The following ELAPOR2 variants were observed in gnomAD, a reference collection of about 807,000 sequenced individuals.
ELAPOR2 encodes endosome-lysosome associated apoptosis and autophagy regulator family member 2.
A neutral mutation model predicts 120.7 loss-of-function variants in ELAPOR2; 89 were observed. That is an observed-to-expected ratio of 0.74 (90% CI 0.62 to 0.88). ELAPOR2 has a LOEUF of 0.88. Among genes scored for constraint, ELAPOR2 ranks in the 40% least tolerant of loss-of-function variants. The pLI, the probability that ELAPOR2 is intolerant of heterozygous loss-of-function variation, is 0.00. For synonymous variants in ELAPOR2, 444 were observed against 444.9 expected (o/e 1.00, Z 0.03); for missense variants, 1,134 against 1,251.6 (o/e 0.91, Z 1.42).
At chr7:86,984,223 A>C (rs1453813353) in intron 1 of ELAPOR2, among the ~76,000 whole-genome samples, 1 of 152,208 alleles carries the variant, frequency 6.6e-6, no homozygotes, top group Non-Finnish European at 1.5e-5. Flanking sequence ...TTAGACTCCC[A>C]CACAATAATA....
Position 86,944,996 on chromosome 7 carries a change from C to T in ELAPOR2, c.557G>A (p.Cys186Tyr). 6.4e-7 allele frequency: 1 copy of T among 1,550,598 alleles called. No homozygotes were observed. The highest frequency in any genetic ancestry group is 8.7e-7 in the Non-Finnish European group (1 of 1,146,522). Residue 186 changes from cysteine (C) to tyrosine (Y), a missense_variant, in exon 4 of 22, where the codon TGC becomes TAC. Around this residue, in one of 3 missense-constraint regions of ELAPOR2, gnomAD observed 280 missense variants for 331.5 expected, o/e 0.84. Transcript: ENST00000450689. Reference protein sequence around the residue: ...GNYIESNRDDCTVSLIYAVHL... With the variant: ...GNYIESNRDDYTVSLIYAVHL... ...CACAGCATAGATCAAAGACACCGTGCAGTCATCACGATTAGATTCTATGTA... is the reference window on the plus strand; with the variant it reads ...CACAGCATAGATCAAAGACACCGTGTAGTCATCACGATTAGATTCTATGTA...
At chr7:86,882,212 G>A (rs1001710972) in intron 21 of ELAPOR2, among the ~76,000 whole-genome samples, 6 of 152,064 alleles carry the variant, frequency 3.9e-5, no homozygotes, top group East Asian at 1.9e-4. Flanking sequence ...GTTAAGCACC[G>A]TCTCTGTTGC....
chr7:86,998,801 T>A (rs1793210944), intron 1 of ELAPOR2, among the ~76,000 whole-genome samples: 1 of 151,754 alleles, frequency 6.6e-6, no homozygotes, highest in Admixed American at 6.6e-5. Flanking sequence ...ACCAAATTTT[T>A]AAAAAATCTA....
At chr7:87,020,186 T>A (rs940163255) in intron 1 of ELAPOR2, among the ~76,000 whole-genome samples, 1 of 152,154 alleles carries the variant, frequency 6.6e-6, no homozygotes, top group Non-Finnish European at 1.5e-5. Context: ...CATATGTATA[T>A]GTGTGCATAT....
At chr7:87,058,916 G>A (rs1024886793) in intron 1 of ELAPOR2, among the ~76,000 whole-genome samples, 7 of 151,958 alleles carry the variant, frequency 4.6e-5, no homozygotes, top group Non-Finnish European at 8.8e-5. Context: ...GAGGAGGAGC[G>A]GGAAATCCTC....
At chr7:87,015,042 ACTG>A (rs1793824199) in intron 1 of ELAPOR2, among the ~76,000 whole-genome samples, 1 of 152,110 alleles carries the variant, frequency 6.6e-6, no homozygotes. Context: ...AAAAAAAGCA[ACTG>A]CTATGACTAT....
In ELAPOR2 at chr7:87,052,776, C is replaced by CTTG. The variant is rs1554411510; in HGVS notation, c.189+6548_189+6549insCAA. Among the ~76,000 whole-genome samples the CTTG allele has an allele frequency of 2.7e-5, 4 of 147,100 alleles. No individual in the cohort carries two copies. In the East Asian group the frequency reaches 7.9e-4, roughly 29 times the overall value. On this transcript the variant is annotated intron_variant, in intron 1 of 21. Coordinates refer to ENST00000450689, the MANE Select transcript of ELAPOR2 (RefSeq NM_001142749.3). ...ATATTCTGATCACAGGGTTTGTTTTCTTTTGTTTTGTTTTGTTTTGTTTTG... is the reference window on the plus strand; with the variant it reads ...ATATTCTGATCACAGGGTTTGTTTTCTTGTTTTGTTTTGTTTTGTTTTGTTTTG...
At chr7:86,994,462 T>G (rs1363558352) in intron 1 of ELAPOR2, among the ~76,000 whole-genome samples, 1 of 152,220 alleles carries the variant, frequency 6.6e-6, no homozygotes, top group East Asian at 1.9e-4. Flanking sequence ...GTAAATAAAA[T>G]GCACATCCCT....
chr7:86,909,815 T>TG lies in ELAPOR2; in HGVS notation c.2355dup (p.Ile786HisfsTer6). 1 of 1,606,834 alleles carries TG rather than the reference T, an allele frequency of 6.2e-7. No homozygotes were observed. The highest frequency in any genetic ancestry group is 8.5e-7 in the Non-Finnish European group (1 of 1,176,660). On this transcript the variant is annotated frameshift_variant, in exon 16 of 22. Coordinates refer to ENST00000450689, the MANE Select transcript of ELAPOR2 (RefSeq NM_001142749.3). LOFTEE classifies it high-confidence loss of function. ...ATATGAACCAAAGGAAGCTTACCTATGAATGTATCTGCCAGAATGATGGAT... is the reference window on the plus strand; with the variant it reads ...ATATGAACCAAAGGAAGCTTACCTATGGAATGTATCTGCCAGAATGATGGAT...
intron 1 of ELAPOR2, among the ~76,000 whole-genome samples, chr7:87,040,410 G>C (rs900531698): frequency 1.1e-4 from 17 of 152,194 alleles, no homozygotes; most frequent in Non-Finnish European, 2.5e-4. Context: ...CTCCCAGCAC[G>C]CAGCTGGAGA....
chr7:86,917,672 CT>C (rs927827616), intron 12 of ELAPOR2, among the ~76,000 whole-genome samples: 5 of 152,038 alleles, frequency 3.3e-5, no homozygotes, highest in African/African-American at 1.2e-4. Context: ...AAAGTGGATA[CT>C]TTTTTTCAGA....
At chr7:87,043,865 T>C (rs956543683) in intron 1 of ELAPOR2, among the ~76,000 whole-genome samples, 15 of 151,882 alleles carry the variant, frequency 9.9e-5, no homozygotes, top group Admixed American at 2.6e-4. Context: ...AAAACCCCAT[T>C]GTCTCAGCCC....
At chr7:86,952,395 T>C (rs528715464) in intron 2 of ELAPOR2, among the ~76,000 whole-genome samples, 2 of 152,294 alleles carry the variant, frequency 1.3e-5, no homozygotes, top group African/African-American at 4.8e-5. Context: ...GAAACTCAAA[T>C]TCTGGTCTGT....
intron 1 of ELAPOR2, among the ~76,000 whole-genome samples, chr7:86,971,250 C>T (rs1334864385): frequency 1.3e-5 from 2 of 152,198 alleles, no homozygotes; most frequent in East Asian, 3.8e-4. Flanking sequence ...CTATGCTTCA[C>T]ATCTTATGGT....
chr7:87,014,187 C>T (rs1208650106), intron 1 of ELAPOR2, among the ~76,000 whole-genome samples: 1 of 152,078 alleles, frequency 6.6e-6, no homozygotes, highest in African/African-American at 2.4e-5. Context: ...GTGAGTTCAA[C>T]ATTAATGAAT....
At chr7:86,955,247 T>C (rs770917086) in intron 2 of ELAPOR2, among the ~76,000 whole-genome samples, 2 of 152,172 alleles carry the variant, frequency 1.3e-5, no homozygotes, top group Non-Finnish European at 2.9e-5. Flanking sequence ...TCTATAATTC[T>C]CATTTTATGA....
At chr7:86,921,746 C>T (rs960722533) in intron 10 of ELAPOR2, among the ~76,000 whole-genome samples, 7 of 152,008 alleles carry the variant, frequency 4.6e-5, no homozygotes, top group Admixed American at 2.0e-4. Context: ...AGACTGCCAA[C>T]GTGAGAGCAG....
rs372987228 is a variant in ELAPOR2 at position 87,040,297 on chromosome 7, C to T, written c.189+19028G>A. Reference sequence around the variant, plus strand: ...GCTCAAGGAGGCCTGCCTGCCTCTGCAGGCTCCACCTCTGGGGGCAGGGCA... The same window carrying T: ...GCTCAAGGAGGCCTGCCTGCCTCTGTAGGCTCCACCTCTGGGGGCAGGGCA... On this transcript the variant is annotated intron_variant, in intron 1 of 21. Coordinates refer to ENST00000450689, the MANE Select transcript of ELAPOR2 (RefSeq NM_001142749.3). Among the ~76,000 whole-genome samples the T allele has an allele frequency of 1.6e-4, 25 of 152,334 alleles. No homozygotes were observed. The East Asian group carries it at 2.1e-3, about 13-fold the overall frequency.
At chr7:86,976,569 C>A (rs1336334802) in intron 1 of ELAPOR2, among the ~76,000 whole-genome samples, 1 of 152,106 alleles carries the variant, frequency 6.6e-6, no homozygotes, top group East Asian at 1.9e-4. Flanking sequence ...CCCCTCCACA[C>A]ACACAAAAGA....
Sources: gnomAD v4.1 joint callset for allele counts (sites outside exome capture counted in the v4.1 genomes callset) on GRCh38, gnomAD v4.1.1 for gene constraint, gnomAD v4.1.1 regional missense constraint, MANE v1.5 for transcripts, NCBI Gene and HGNC (gene_info 2026-07-23, HGNC 2026-07-21) for gene names.